Variants in TENM1 observed in about 807,000 individuals in gnomAD.
TENM1 encodes teneurin transmembrane protein 1, also known as teneurin-1.
Under a neutral mutation model 174.8 loss-of-function variants are expected in TENM1, and 35 were observed. That is an observed-to-expected ratio of 0.20 (90% CI 0.15 to 0.27). The LOEUF is 0.27. Among genes scored for constraint, TENM1 ranks in the 10% least tolerant of loss-of-function variants. The pLI is 1.00. For missense variants in TENM1, 1,633 were observed against 2,130.1 expected (o/e 0.77, Z 4.59); for synonymous variants, 781 against 798.7 (o/e 0.98, Z 0.37).
intron 1 of TENM1, among the ~76,000 whole-genome samples, chrX:124,957,373 C>G (rs2058590458): frequency 9.0e-6 from 1 of 110,654 alleles, no homozygotes; most frequent in Non-Finnish European, 1.9e-5. Flanking sequence ...CACTTGAGGT[C>G]AGGAGTTTGA....
At chrX:124,996,925 G>A in the TENM1 span, among the ~76,000 whole-genome samples, 4 of 111,478 alleles carry the variant, frequency 3.6e-5, no homozygotes, top group African/African-American at 1.3e-4. Flanking sequence ...AAAGAAAAGA[G>A]AGAAAGCGAA....
At chrX:124,453,192 T>C (rs937067819) in intron 23 of TENM1, 145 bp downstream of exon 26, 6 of 562,187 alleles carry the variant, frequency 1.1e-5, no homozygotes, top group Non-Finnish European at 8.0e-6. Flanking sequence ...AGGAAAAAAG[T>C]AACTTACATA....
the TENM1 span, among the ~76,000 whole-genome samples, chrX:125,054,123 T>C: frequency 9.0e-6 from 1 of 111,547 alleles, no homozygotes; most frequent in South Asian, 3.8e-4. Context: ...CAAGATCAAC[T>C]AAATCTATAG....
chrX:125,183,423 G>A, the TENM1 span, among the ~76,000 whole-genome samples: 1 of 111,745 alleles, frequency 8.9e-6, no homozygotes, highest in African/African-American at 3.2e-5. Flanking sequence ...GTAGATGAAG[G>A]AGAATATATT....
chrX:125,106,153 G>A, the TENM1 span, among the ~76,000 whole-genome samples: 1 of 111,410 alleles, frequency 9.0e-6, no homozygotes, highest in Non-Finnish European at 1.9e-5. Context: ...AATAATCTTA[G>A]TTAATGTTTC....
intron 20 of TENM1, among the ~76,000 whole-genome samples, chrX:124,493,660 T>C (rs1447319603): frequency 9.0e-6 from 1 of 111,264 alleles, no homozygotes; most frequent in Non-Finnish European, 1.9e-5. Flanking sequence ...TGGACTGTTG[T>C]ATAAATCATT....
chrX:124,545,888 T>A (rs12006581), intron 15 of TENM1, among the ~76,000 whole-genome samples: 8 of 111,610 alleles, frequency 7.2e-5, no homozygotes, highest in East Asian at 2.8e-4. Flanking sequence ...AAAAAAAAAA[T>A]TTTAAACTTT....
chrX:124,386,449 G>A (rs1005872855), intron 28 of TENM1, among the ~76,000 whole-genome samples: 9 of 111,556 alleles, frequency 8.1e-5, no homozygotes, highest in South Asian at 7.6e-4. Flanking sequence ...GGTGAAGGCA[G>A]GGAGCCGGGG....
the TENM1 span, among the ~76,000 whole-genome samples, chrX:125,112,134 T>TTGTGTGTGTGTG: frequency 0.011 from 1,027 of 92,692 alleles, 8 homozygotes; most frequent in Middle Eastern, 0.026. Context: ...TTTAATGAAA[T>TTGTGTGTGTGTG]TGTGTGTGTG....
chrX:124,631,696 G>A (rs1309768549), intron 11 of TENM1, among the ~76,000 whole-genome samples: 2 of 108,430 alleles, frequency 1.8e-5, no homozygotes, highest in African/African-American at 3.3e-5. Flanking sequence ...TCAGGAGTTC[G>A]AGACCAGTCT....
At chrX:125,004,921 TTAA>T in the TENM1 span, among the ~76,000 whole-genome samples, 5 of 111,159 alleles carry the variant, frequency 4.5e-5, no homozygotes, top group Non-Finnish European at 9.4e-5. Context: ...ACAAGAACGT[TTAA>T]TAATCAAATA....
At chrX:124,417,767 C>T (rs1026833787) in intron 25 of TENM1, among the ~76,000 whole-genome samples, 1 of 111,704 alleles carries the variant, frequency 9.0e-6, no homozygotes, top group African/African-American at 3.3e-5. Context: ...TTCCCAATCT[C>T]CCACCTCACA....
At chrX:124,565,400 T>A (rs1189522723) in exon 12 of TENM1, 1 of 1,198,827 alleles carries the variant, frequency 8.3e-7, no homozygotes, top group Non-Finnish European at 1.1e-6. Flanking sequence ...CGCCCTCCCA[T>A]CCAGGGCTAC....
At chrX:125,141,500 T>C in the TENM1 span, among the ~76,000 whole-genome samples, 1 of 111,674 alleles carries the variant, frequency 9.0e-6, no homozygotes, top group Non-Finnish European at 1.9e-5. Context: ...TCTTCTCACT[T>C]TACTATCTTA....
the TENM1 span, among the ~76,000 whole-genome samples, chrX:125,131,506 T>C: frequency 8.9e-6 from 1 of 112,037 alleles, no homozygotes; most frequent in South Asian, 3.7e-4. Context: ...TAGTTTTGTA[T>C]GTTGCACTTC....
intron 1 of TENM1, among the ~76,000 whole-genome samples, chrX:124,937,379 T>C (rs1353134053): frequency 9.0e-6 from 1 of 111,681 alleles, no homozygotes; most frequent in East Asian, 2.8e-4. Flanking sequence ...ATAGGGTCCA[T>C]AAATTGTATG....
At chrX:125,007,446 T>C in the TENM1 span, among the ~76,000 whole-genome samples, 9 of 111,054 alleles carry the variant, frequency 8.1e-5, no homozygotes, top group East Asian at 2.8e-4. Context: ...TGGAACCAAG[T>C]TGGAAAACAC....
intron 26 of TENM1, 123 bp from the exon 30 acceptor site, chrX:124,405,389 A>G (rs1265852454): frequency 7.7e-6 from 4 of 522,378 alleles, no homozygotes; most frequent in South Asian, 3.0e-5. Flanking sequence ...CTGTGGTCCT[A>G]TCTGCCTTCT....
At chrX:124,858,751 G>T (rs770838877) in intron 3 of TENM1, among the ~76,000 whole-genome samples, 35 of 110,762 alleles carry the variant, frequency 3.2e-4, no homozygotes, top group Non-Finnish European at 6.2e-4. Context: ...AAATGGTAAT[G>T]ATATTTCATA....
Sources: gnomAD v4.1 joint callset for allele counts (sites outside exome capture counted in the v4.1 genomes callset) on GRCh38, gnomAD v4.1.1 for gene constraint, MANE v1.5 for transcripts, NCBI Gene and HGNC (gene_info 2026-07-23, HGNC 2026-07-21) for gene names.